YJU2: variants seen among roughly 807,000 people sequenced by gnomAD.
YJU2 encodes splicing factor YJU2.
In YJU2, 28 loss-of-function variants were observed where a neutral mutation model predicts 39.6. That is an observed-to-expected ratio of 0.71 (90% CI 0.52 to 0.97). The LOEUF (loss-of-function observed/expected upper bound fraction) is 0.97, where lower values mean the gene tolerates loss of function less well. Ranked by LOEUF, YJU2 falls within the 50% of genes least tolerant of loss-of-function variation. The probability of loss-of-function intolerance (pLI) is 0.00; values close to 1 mark genes in which losing one functional copy is unlikely to be tolerated. For missense variants in YJU2, 328 were observed against 430.4 expected, an observed-to-expected ratio of 0.76 and a Z score of 2.11; for synonymous variants, 184 against 182.4, an observed-to-expected ratio of 1.01 and a Z score of -0.07.
chr19:4,249,376 G>T (rs777968295), intron 2 of YJU2, 48 bp downstream of exon 2: 22 of 1,216,680 alleles, frequency 1.8e-5, no homozygotes, highest in Middle Eastern at 3.8e-4. Flanking sequence ...GCTGAAGGAC[G>T]CAGTGCCTGG....
chr19:4,255,011 G>A (rs111662664), intron 4 of YJU2, among the ~76,000 whole-genome samples: 2,994 of 146,888 alleles, frequency 0.02, 67 homozygotes, highest in African/African-American at 0.054. Flanking sequence ...AGCCGAGATG[G>A]CGCCACTGCA....
intron 4 of YJU2, among the ~76,000 whole-genome samples, chr19:4,255,219 G>A (rs1971010013): frequency 6.6e-6 from 1 of 151,798 alleles, no homozygotes; most frequent in Non-Finnish European, 1.5e-5. Context: ...GCAAGACTCT[G>A]TCTCAAAAAA....
intron 3 of YJU2, 41 bp downstream of exon 3, chr19:4,251,212 C>A: frequency 6.2e-7 from 1 of 1,604,802 alleles, no homozygotes; most frequent in Non-Finnish European, 8.5e-7. Flanking sequence ...TCTCCCCCAG[C>A]ACACCTCAGA....
chr19:4,250,351 C>T (rs181046233), intron 2 of YJU2, among the ~76,000 whole-genome samples: 238 of 152,170 alleles, frequency 1.6e-3, no homozygotes, highest in Middle Eastern at 3.4e-3. Context: ...TGCCGAGCGC[C>T]AGGAACAAAG....
At position 4,254,626 on chromosome 19, in the gene YJU2, A is replaced by G. The variant is rs902821606; in HGVS notation, c.405+137A>G. 2.5e-5 allele frequency: 33 copies of G among 1,304,688 alleles called. No homozygotes were observed. In the Admixed American group the frequency reaches 9.8e-4, roughly 39 times the overall value. 80.8% of individuals were successfully genotyped at this position (1,304,688 alleles called of 1,614,324 possible). On this transcript the variant is annotated intron_variant, in intron 4 of 7. Transcript: ENST00000262962. The stretch of plus-strand genomic sequence containing the variant: ...GGGGCGTGGTTGGTAAAACTTTAAG[A>G]TGTCCCCAGGAGGCCAGGCATAGTG...
intron 6 of YJU2, 145 bp downstream of exon 6, chr19:4,262,259 C>T: frequency 1.2e-6 from 1 of 832,398 alleles, no homozygotes; most frequent in Non-Finnish European, 1.8e-6. Flanking sequence ...AGTGCAGTGG[C>T]ACGATCTTGG....
intron 6 of YJU2, among the ~76,000 whole-genome samples, chr19:4,264,743 G>C (rs1049215656): frequency 5.3e-5 from 8 of 151,942 alleles, no homozygotes; most frequent in African/African-American, 1.4e-4. Context: ...TGACTCGGCC[G>C]CCCAAAGTGC....
intron 6 of YJU2, among the ~76,000 whole-genome samples, chr19:4,264,731 C>T (rs944677184): frequency 6.6e-6 from 1 of 152,066 alleles, no homozygotes; most frequent in African/African-American, 2.4e-5. Context: ...AGGTGATTCA[C>T]CTGACTCGGC....
At chr19:4,265,163 C>T (rs559162571) in intron 6 of YJU2, among the ~76,000 whole-genome samples, 3 of 152,208 alleles carry the variant, frequency 2.0e-5, no homozygotes, top group South Asian at 2.1e-4. Context: ...TTGGTTTTAA[C>T]GTGATTCACC....
At chr19:4,268,022 G>A (rs11085069) in intron 7 of YJU2, among the ~76,000 whole-genome samples, 45,762 of 149,844 alleles carry the variant, frequency 0.31, 7,180 homozygotes, top group East Asian at 0.48. Context: ...GTGCCATCTC[G>A]GCTCACCGCA....
intron 1 of YJU2, 47 bp downstream of exon 1, chr19:4,247,217 G>C (rs752585808): frequency 6.4e-7 from 1 of 1,553,580 alleles, no homozygotes. Flanking sequence ...AGGACATCCC[G>C]GAACTCCGGG....
At chr19:4,250,830 G>A (rs1970970090) in intron 2 of YJU2, among the ~76,000 whole-genome samples, 197 bp from the exon 3 acceptor site, 2 of 152,092 alleles carry the variant, frequency 1.3e-5, no homozygotes, top group South Asian at 4.1e-4. Flanking sequence ...CTGAGCCCCA[G>A]GAAGATATGA....
intron 2 of YJU2, 107 bp from the exon 3 acceptor site, chr19:4,250,920 G>A (rs3803907): frequency 0.24 from 305,484 of 1,290,418 alleles, 37,806 homozygotes; most frequent in African/African-American, 0.43. Context: ...GGAGCTCCCC[G>A]TTGCTGGAGG....
At chr19:4,254,515 C>G in intron 4 of YJU2, 26 bp downstream of exon 4, 2 of 1,552,816 alleles carry the variant, frequency 1.3e-6, no homozygotes, top group Non-Finnish European at 1.7e-6. Flanking sequence ...TGTAGGTGTT[C>G]ATGGGCGCTG....
intron 6 of YJU2, among the ~76,000 whole-genome samples, chr19:4,265,971 C>T (rs866913342): frequency 0.021 from 2,234 of 107,004 alleles, 38 homozygotes; most frequent in African/African-American, 0.054. Flanking sequence ...TTTTTTTTTT[C>T]GAGACGGCGT....
intron 6 of YJU2, among the ~76,000 whole-genome samples, chr19:4,263,779 C>T (rs1971091394): frequency 6.8e-6 from 1 of 146,716 alleles, no homozygotes; most frequent in African/African-American, 2.6e-5. Context: ...CATTGCCCTC[C>T]AGCCTGGGCA....
chr19:4,261,361 C>T (rs561250697), intron 5 of YJU2, among the ~76,000 whole-genome samples: 21 of 152,152 alleles, frequency 1.4e-4, no homozygotes, highest in African/African-American at 4.8e-4. Context: ...CACGGTGGTG[C>T]GTGCCTGTAG....
intron 2 of YJU2, 79 bp from the exon 3 acceptor site, chr19:4,250,948 T>G: frequency 6.6e-7 from 1 of 1,518,426 alleles, no homozygotes; most frequent in Non-Finnish European, 9.0e-7. Context: ...GCAGTGATCT[T>G]GCAGGATGCC....
At chr19:4,267,598 C>G (rs761725799) in intron 6 of YJU2, 26 bp from the exon 7 acceptor site, 2 of 1,607,928 alleles carry the variant, frequency 1.2e-6, no homozygotes, top group Admixed American at 3.3e-5. Context: ...GGGCCAGACC[C>G]CCACATGTGT....
Sources: allele counts gnomAD v4.1 joint callset (sites outside exome capture counted in the v4.1 genomes callset), GRCh38; gene constraint gnomAD v4.1.1; transcripts MANE v1.5; gene names NCBI Gene and HGNC (gene_info 2026-07-23, HGNC 2026-07-21).